Variants in PEDS1 observed in about 807,000 individuals in gnomAD.
PEDS1 encodes the protein plasmanylethanolamine desaturase 1.
PEDS1 carries 14 observed loss-of-function variants against 35.2 expected under a neutral mutation model. That is an observed-to-expected ratio of 0.40 (90% confidence interval 0.26 to 0.62). PEDS1 has a LOEUF of 0.62. Among genes scored for constraint, PEDS1 ranks in the 20% least tolerant of loss-of-function variants. The pLI, the probability that PEDS1 is intolerant of heterozygous loss-of-function variation, is 0.44. For missense variants in PEDS1, 260 were observed against 367.8 expected, an observed-to-expected ratio of 0.71 and a Z score of 2.40; for synonymous variants, 152 against 152.0, an observed-to-expected ratio of 1.00 and a Z score of 0.00.
intron 2 of PEDS1, among the ~76,000 whole-genome samples, chr20:50,134,580 T>A (rs2081213224): frequency 6.6e-6 from 1 of 152,146 alleles, no homozygotes; most frequent in Non-Finnish European, 1.5e-5. Flanking sequence ...GCTGCCTTCA[T>A]GAAAGAAATA....
At position 50,124,026 on chromosome 20, in the gene PEDS1, A is replaced by T. The variant is rs1328133709; in HGVS notation, c.*1032T>A. The T allele has an allele frequency of 6.6e-6, 1 of 152,468 alleles. No homozygotes were observed. Among genetic ancestry groups the T allele is most frequent in the East Asian group, 1.9e-4 (1 of 5,190 alleles). 9.4% of individuals were successfully genotyped at this position (152,468 alleles called of 1,614,324 possible). On this transcript the variant is annotated 3_prime_UTR_variant, in exon 6 of 6. Coordinates refer to ENST00000371652, the MANE Select transcript of PEDS1 (RefSeq NM_199129.4). ...GGCTTTGGAGCAGATGTCAACATTA[A>T]TTCACTGTCTCAGGTGACAGCTCTC...
At chr20:50,136,808 G>A (rs139916857) in intron 2 of PEDS1, among the ~76,000 whole-genome samples, 2,675 of 151,830 alleles carry the variant, frequency 0.018, 72 homozygotes, top group African/African-American at 0.055. Context: ...AGGCCACGGT[G>A]GGAGGATTGC....
At chr20:50,134,413 G>A (rs1160775872) in intron 2 of PEDS1, among the ~76,000 whole-genome samples, 1 of 152,212 alleles carries the variant, frequency 6.6e-6, no homozygotes, top group Non-Finnish European at 1.5e-5. Flanking sequence ...CAGGGATGGT[G>A]GTGGGCACCT....
intron 2 of PEDS1, among the ~76,000 whole-genome samples, chr20:50,134,711 C>T (rs924027073): frequency 1.3e-5 from 2 of 152,336 alleles, no homozygotes; most frequent in Admixed American, 1.3e-4. Context: ...CCCTTCCCCT[C>T]TCTAAACCTT....
intron 1 of PEDS1, among the ~76,000 whole-genome samples, chr20:50,146,594 A>G (rs1428842749): frequency 6.6e-6 from 1 of 152,142 alleles, no homozygotes; most frequent in African/African-American, 2.4e-5. Context: ...GGCCTTCTCC[A>G]GGTCACACAA....
chr20:50,126,589 G>C (rs73910390), intron 5 of PEDS1, among the ~76,000 whole-genome samples: 1,925 of 152,286 alleles, frequency 0.013, 40 homozygotes, highest in African/African-American at 0.043. Flanking sequence ...GATATATGAA[G>C]GAGGCGGCTG....
At chr20:50,138,583 G>A (rs1351532356) in intron 2 of PEDS1, among the ~76,000 whole-genome samples, 1 of 152,178 alleles carries the variant, frequency 6.6e-6, no homozygotes, top group African/African-American at 2.4e-5. Context: ...TGCCCAGCAG[G>A]GAGGGATGTC....
chr20:50,141,847 C>T (rs1296991088), intron 2 of PEDS1, among the ~76,000 whole-genome samples: 1 of 152,224 alleles, frequency 6.6e-6, no homozygotes, highest in East Asian at 1.9e-4. Flanking sequence ...ATACCAACCC[C>T]ACCCCAGACC....
In PEDS1 at chr20:50,124,220, T is replaced by G. The variant is rs1601202835; in HGVS notation, c.*838A>C. On this transcript the variant is annotated 3_prime_UTR_variant, in exon 6 of 6. Coordinates refer to ENST00000371652, the MANE Select transcript of PEDS1 (RefSeq NM_199129.4). ...AAATATATTATGTACATCCAAAACA[T>G]GACATTAAAATATTACTCCGTGTTA... 1 of 152,554 alleles carries G rather than the reference T, an allele frequency of 6.6e-6. No individual in the cohort carries two copies. Among genetic ancestry groups the G allele is most frequent in the East Asian group, 1.9e-4 (1 of 5,180 alleles). 9.5% of individuals were successfully genotyped at this position (152,554 alleles called of 1,614,324 possible). A position where few individuals can be genotyped will look rare whatever the true frequency, so the allele number is the denominator to read the frequency against.
intron 1 of PEDS1, among the ~76,000 whole-genome samples, chr20:50,151,606 T>C (rs932090887): frequency 1.3e-5 from 2 of 152,150 alleles, no homozygotes; most frequent in Non-Finnish European, 2.9e-5. Context: ...ACGCCTGTAA[T>C]CCCAGCACTG....
Position 50,132,243 on chromosome 20 carries a change from C to T in PEDS1, c.242-1296G>A, listed in dbSNP as rs149294997. Among the ~76,000 whole-genome samples, 392 of 152,234 alleles carry T rather than the reference C, an allele frequency of 2.6e-3. 3 individuals carry two copies. The highest frequency in any genetic ancestry group is 9.0e-3 in the African/African-American group (376 of 41,558). On this transcript the variant is annotated intron_variant, in intron 2 of 5. Transcript: ENST00000371652. ...TAAAAGGGAATGATGCTAACATTTACGAGCACTTTCTCAATGCCAAGCACA... is the reference window on the plus strand; with the variant it reads ...TAAAAGGGAATGATGCTAACATTTATGAGCACTTTCTCAATGCCAAGCACA...
At chr20:50,151,391 C>T in intron 1 of PEDS1, 1 of 930,676 alleles carries the variant, frequency 1.1e-6, no homozygotes, top group Admixed American at 2.3e-5. Flanking sequence ...TGGGGAGGCT[C>T]AGAATGCCTG....
rs148716126 is a variant in PEDS1 at position 50,128,150 on chromosome 20, G to T, written c.516C>A (p.Val172=). 653 of 1,614,176 alleles carry T rather than the reference G, an allele frequency of 4.0e-4. 1 individual carries two copies. The African/African-American group carries it at 8.0e-3, about 20-fold the overall frequency. The stretch of plus-strand genomic sequence containing the variant: ...AGGTGCCGAAGATGATCAGGCAGAA[G>T]ACGAAGCACTCCCAGGGGTATAGCT... ...LEQLYPWECF[V]FCLIIFGTFT... is the part of the protein sequence containing the mutation. The change falls in exon 5 of 6, where the codon GTC becomes GTA. Residue 172 remains valine, a synonymous_variant. Coordinates refer to ENST00000371652, the MANE Select transcript of PEDS1 (RefSeq NM_199129.4). This position sits in a 1 kb window ranked among gnomAD's most constrained non-coding sequence, Gnocchi z 5.2.
chr20:50,152,633 G>C (rs2081416836), intron 1 of PEDS1, among the ~76,000 whole-genome samples: 1 of 152,198 alleles, frequency 6.6e-6, no homozygotes, highest in Non-Finnish European at 1.5e-5. Flanking sequence ...TGGCCTGAGG[G>C]AAAGGGACAG....
In PEDS1 at chr20:50,143,582, A is replaced by G. The variant is rs1018387315; in HGVS notation, c.161T>C (p.Phe54Ser). The G allele has an allele frequency of 2.5e-6, 4 of 1,613,936 alleles. No homozygotes were observed. The African/African-American group carries it at 5.3e-5, about 22-fold the overall frequency. ...GACCAGGTTGTGGGCGATGAGGCTG[A>G]AGCACAGGATCACAGAGCACCACTC... ...LQEWCSVILC[F>S]SLIAHNLVHL... Residue 54 changes from phenylalanine (F) to serine (S), a missense_variant, in exon 2 of 6, where the codon TTC becomes TCC. Physicochemically the swap from Phe to Ser is radical, Grantham distance 155. Transcript: ENST00000371652.
At chr20:50,147,506 G>C (rs1190301316) in intron 1 of PEDS1, among the ~76,000 whole-genome samples, 3 of 152,170 alleles carry the variant, frequency 2.0e-5, no homozygotes, top group African/African-American at 7.2e-5. Flanking sequence ...GTCAAGGAAG[G>C]AACTGAGTGA....
At chr20:50,140,830 C>T (rs951690180) in intron 2 of PEDS1, among the ~76,000 whole-genome samples, 2 of 152,276 alleles carry the variant, frequency 1.3e-5, no homozygotes, top group Admixed American at 6.5e-5. Context: ...GGCACAGTGC[C>T]CTTACTGCCT....
intron 2 of PEDS1, 112 bp from the exon 3 acceptor site, chr20:50,131,059 T>C: frequency 1.3e-6 from 2 of 1,578,218 alleles, no homozygotes; most frequent in Non-Finnish European, 1.7e-6. Flanking sequence ...AAGGTGTCCC[T>C]TCTTCTCTAG....
At chr20:50,147,835 A>T (rs905080827) in intron 1 of PEDS1, among the ~76,000 whole-genome samples, 2 of 152,084 alleles carry the variant, frequency 1.3e-5, no homozygotes, top group African/African-American at 4.8e-5. Flanking sequence ...TGGGCAGATC[A>T]CGAGGTCAAG....
Sources: allele counts gnomAD v4.1 joint callset (sites outside exome capture counted in the v4.1 genomes callset), GRCh38; gene constraint gnomAD v4.1.1; non-coding constraint Gnocchi (gnomAD v3.1); transcripts MANE v1.5; gene names NCBI Gene and HGNC (gene_info 2026-07-23, HGNC 2026-07-21).